The following ATP11C variants were observed in gnomAD, a reference collection of about 807,000 sequenced individuals.
The protein encoded by ATP11C is ATPase phospholipid transporting 11C (ATP11C blood group).
In ATP11C, 36 loss-of-function variants were observed where a neutral mutation model predicts 97.4. That is an observed-to-expected ratio of 0.37 (90% CI 0.28 to 0.49). The LOEUF is 0.49. ATP11C is among the 20% of genes least tolerant of loss of function. ATP11C has a pLI of 0.98. For synonymous variants in ATP11C, 275 were observed against 290.9 expected, an observed-to-expected ratio of 0.95 and a Z score of 0.56; for missense variants, 730 against 824.6, an observed-to-expected ratio of 0.89 and a Z score of 1.40.
At chrX:139,742,752 C>T (rs995617348) in intron 26 of ATP11C, among the ~76,000 whole-genome samples, 4 of 109,135 alleles carry the variant, frequency 3.7e-5, no homozygotes, top group African/African-American at 1.3e-4. Context: ...CCAAAATTAC[C>T]TCCCTTTTGT....
upstream of ATP11C, among the ~76,000 whole-genome samples, chrX:139,935,218 C>T (rs2085511641): frequency 8.9e-6 from 1 of 111,776 alleles, no homozygotes; most frequent in Admixed American, 9.5e-5. Context: ...CTCATACATA[C>T]CCATTGTCAT....
chrX:139,794,915 G>C (rs992316133), intron 12 of ATP11C, among the ~76,000 whole-genome samples: 1 of 111,887 alleles, frequency 8.9e-6, no homozygotes, highest in Non-Finnish European at 1.9e-5. Flanking sequence ...ACTAAATCCA[G>C]AACAGGCAGA....
intron 1 of ATP11C, among the ~76,000 whole-genome samples, chrX:139,874,956 C>T (rs1462832925): frequency 4.5e-5 from 5 of 110,872 alleles, no homozygotes; most frequent in Admixed American, 1.9e-4. Context: ...TTTAAATATT[C>T]TTCCCTCACC....
In ATP11C at chrX:139,728,790, T is replaced by G; in HGVS notation, c.*176A>C. On this transcript the variant is annotated 3_prime_UTR_variant, in exon 30 of 30. Coordinates refer to ENST00000682941, the MANE Select transcript of ATP11C (RefSeq NM_001353812.2). ...AAATGCTTAAGAGAATCATTTGGTA[T>G]TTTAATGAACATTTATTGTGAACTC... 1.8e-6 allele frequency: 1 copy of G among 542,509 alleles called. No homozygotes were observed. The highest frequency in any genetic ancestry group is 2.3e-5 in the African/African-American group (1 of 43,977). The allele number at this position is 542,509 out of a possible 1,213,427, so 44.7% of individuals were successfully genotyped here.
At chrX:139,857,879 G>T (rs1218687456) in intron 1 of ATP11C, among the ~76,000 whole-genome samples, 1 of 112,074 alleles carries the variant, frequency 8.9e-6, no homozygotes, top group East Asian at 2.8e-4. Flanking sequence ...CTCAGGAACA[G>T]AAAGTTATGG....
At chrX:139,734,576 A>C (rs2081406982) in intron 28 of ATP11C, among the ~76,000 whole-genome samples, 2 of 111,623 alleles carry the variant, frequency 1.8e-5, no homozygotes, top group African/African-American at 6.5e-5. Flanking sequence ...TGATTTACAG[A>C]CAGCCAATGA....
intron 1 of ATP11C, among the ~76,000 whole-genome samples, chrX:139,878,798 A>C (rs1413843765): frequency 5.5e-5 from 6 of 109,833 alleles, no homozygotes; most frequent in African/African-American, 2.0e-4. Flanking sequence ...ACAGGAGCCA[A>C]TACCTAGAGG....
At chrX:139,768,458 G>A (rs2082181312) in intron 19 of ATP11C, 24 bp from the exon 20 acceptor site, 1 of 1,016,566 alleles carries the variant, frequency 9.8e-7, no homozygotes, top group Admixed American at 3.7e-5. Context: ...ACAATGCTAT[G>A]TTTGGATTTA....
intron 1 of ATP11C, among the ~76,000 whole-genome samples, chrX:139,832,469 C>T (rs1603394704): frequency 8.9e-6 from 1 of 112,676 alleles, no homozygotes; most frequent in Non-Finnish European, 1.9e-5. Flanking sequence ...TCTCCAAAGA[C>T]CTGATTTGCC....
At chrX:139,790,033 A>G (rs970029854) in intron 12 of ATP11C, among the ~76,000 whole-genome samples, 5 of 100,233 alleles carry the variant, frequency 5.0e-5, no homozygotes, top group African/African-American at 1.1e-4. Flanking sequence ...CTGTCTCAGG[A>G]AAAAAAAAAA....
chrX:139,914,402 G>A (rs2085124031), intron 1 of ATP11C, among the ~76,000 whole-genome samples: 1 of 112,053 alleles, frequency 8.9e-6, no homozygotes, highest in Non-Finnish European at 1.9e-5. Flanking sequence ...TGCCATTCCT[G>A]GCCTATAGAC....
At position 139,797,170 on chromosome X, in the gene ATP11C, A is replaced by AT. The variant is rs1569459872; in HGVS notation, c.1008+5_1008+6insA. 1 of 1,196,366 alleles carries AT rather than the reference A, an allele frequency of 8.4e-7. No individual in the cohort carries two copies. Among genetic ancestry groups the AT allele is most frequent in the East Asian group, 3.0e-5 (1 of 33,303 alleles). Reference sequence around the variant, plus strand: ...TAGTTTCAATTTTCAGCAGAAAACAAATTACCTTCAAGGTCTCTCGCTCTT... The same window carrying AT: ...TAGTTTCAATTTTCAGCAGAAAACAATATTACCTTCAAGGTCTCTCGCTCTT... On this transcript the variant is annotated splice_donor_region_variant and intron_variant, in intron 11 of 29. Transcript: ENST00000682941.
At chrX:139,903,044 C>T (rs1252030135) in intron 1 of ATP11C, among the ~76,000 whole-genome samples, 5 of 111,886 alleles carry the variant, frequency 4.5e-5, no homozygotes, top group Non-Finnish European at 9.4e-5. Flanking sequence ...GCCACTCCTG[C>T]TTTTGGAAGC....
chrX:139,764,902 AAAG>A (rs2082105805), intron 20 of ATP11C, among the ~76,000 whole-genome samples: 1 of 111,978 alleles, frequency 8.9e-6, no homozygotes, highest in African/African-American at 3.2e-5. Context: ...AGACAAAATT[AAAG>A]AACCCAAACT....
chrX:139,871,839 A>T (rs1263245786), intron 1 of ATP11C, among the ~76,000 whole-genome samples: 1 of 111,411 alleles, frequency 9.0e-6, no homozygotes, highest in Non-Finnish European at 1.9e-5. Context: ...CTGTTTAAAA[A>T]TTTTTAACCA....
intron 15 of ATP11C, among the ~76,000 whole-genome samples, chrX:139,785,681 G>A (rs2082556927): frequency 8.9e-6 from 1 of 111,782 alleles, no homozygotes; most frequent in Non-Finnish European, 1.9e-5. Flanking sequence ...GGGGAATAGA[G>A]GTGAATCTGC....
At chrX:139,877,764 G>C (rs1240845903) in intron 1 of ATP11C, among the ~76,000 whole-genome samples, 2 of 112,366 alleles carry the variant, frequency 1.8e-5, no homozygotes, top group Non-Finnish European at 3.8e-5. Flanking sequence ...ACTCATGCCT[G>C]TAAACACAAC....
chrX:139,826,172 C>G (rs1271437880), intron 2 of ATP11C, among the ~76,000 whole-genome samples: 2 of 111,089 alleles, frequency 1.8e-5, no homozygotes, highest in Non-Finnish European at 3.8e-5. Flanking sequence ...TAACTCTTAA[C>G]AGATCACAGC....
chrX:139,769,321 TA>T (rs2082207615), intron 19 of ATP11C, among the ~76,000 whole-genome samples: 3 of 76,168 alleles, frequency 3.9e-5, no homozygotes, highest in African/African-American at 1.5e-4. Flanking sequence ...TATATATATA[TA>T]TATATTCTTT....
Sources: gnomAD v4.1 joint callset for allele counts (sites outside exome capture counted in the v4.1 genomes callset) on GRCh38, gnomAD v4.1.1 for gene constraint, MANE v1.5 for transcripts, NCBI Gene and HGNC (gene_info 2026-07-23, HGNC 2026-07-21) for gene names.